ITPR2: variants seen among roughly 807,000 people sequenced by gnomAD.
ITPR2 encodes the protein inositol 1,4,5-trisphosphate-gated calcium channel ITPR2.
A neutral mutation model predicts 317.1 loss-of-function variants in ITPR2; 207 were observed. The observed-to-expected ratio is 0.65, with a 90% CI of 0.58 to 0.73. The LOEUF is 0.73. Among genes scored for constraint, ITPR2 ranks in the 30% least tolerant of loss-of-function variants. The pLI is 0.00. For synonymous variants in ITPR2, 1,156 were observed against 1,149.1 expected (o/e 1.01, Z -0.12); for missense variants, 2,613 against 3,284.0 (o/e 0.80, Z 4.99).
At chr12:26,398,514 CAT>C (rs1210641870) in intron 54 of ITPR2, among the ~76,000 whole-genome samples, 1 of 152,194 alleles carries the variant, frequency 6.6e-6, no homozygotes, top group Non-Finnish European at 1.5e-5. Context: ...GCTGAAAAAT[CAT>C]ATTTGGATTC....
At position 26,722,355 on chromosome 12, in the gene ITPR2, TTTA is replaced by T. The variant is rs765528920; in HGVS notation, c.525+39_525+41del. 3 of 1,522,602 alleles carry T rather than the reference TTTA, an allele frequency of 2.0e-6. No homozygotes were observed. In the South Asian group the frequency reaches 3.8e-5, roughly 19 times the overall value. The allele number at this position is 1,522,602 out of a possible 1,614,324, so 94.3% of individuals were successfully genotyped here. A position where few individuals can be genotyped will look rare whatever the true frequency, so the allele number is the denominator to read the frequency against. On this transcript the variant is annotated intron_variant, in intron 5 of 56. Transcript: ENST00000381340. ...ATCTTACTTATTAGGAATCATTTTCTTTATGAACCCACTATTTCCCTCTTAATT... is the reference window on the plus strand; with the variant it reads ...ATCTTACTTATTAGGAATCATTTTCTTGAACCCACTATTTCCCTCTTAATT...
chr12:26,547,740 G>T (rs1471287099), intron 37 of ITPR2, among the ~76,000 whole-genome samples: 4 of 152,100 alleles, frequency 2.6e-5, no homozygotes, highest in African/African-American at 9.7e-5. Flanking sequence ...ATGAAATCAG[G>T]TTTTTCTTTC....
intron 48 of ITPR2, among the ~76,000 whole-genome samples, chr12:26,433,886 G>T (rs1941283726): frequency 3.3e-5 from 5 of 152,170 alleles, no homozygotes; most frequent in Admixed American, 3.3e-4. Context: ...GAGGTAGATA[G>T]CAGAGCTTCA....
intron 39 of ITPR2, among the ~76,000 whole-genome samples, chr12:26,490,873 A>AT (rs1373820205): frequency 6.6e-6 from 1 of 152,252 alleles, no homozygotes; most frequent in African/African-American, 2.4e-5. Flanking sequence ...TCCACAGGTT[A>AT]TAACAGGGGC....
chr12:26,419,192 G>T lies in ITPR2; in HGVS notation c.6967C>A (p.Leu2323Met). 3 of 1,613,260 alleles carry T rather than the reference G, an allele frequency of 1.9e-6. No individual in the cohort carries two copies. The highest frequency in any genetic ancestry group is 2.5e-6 in the Non-Finnish European group (3 of 1,179,568). ...CCACGATTTCCAACAAAACTCACCAGAAAAACAATTTTATTACAAAGCTAA... is the reference window on the plus strand; with the variant it reads ...CCACGATTTCCAACAAAACTCACCATAAAAACAATTTTATTACAAAGCTAA... ...AANLCNKIVF[L>M]VSFVGNRGTF... is the part of the protein sequence containing the mutation. Residue 2323 changes from leucine (L) to methionine (M), a missense_variant, in exon 50 of 57, where the codon CTG becomes ATG. By Grantham distance (15) the Leu-to-Met change is conservative. Around this residue, in one of 9 missense-constraint regions of ITPR2, gnomAD observed 78 missense variants for 110.3 expected, o/e 0.71. Coordinates refer to ENST00000381340, the MANE Select transcript of ITPR2 (RefSeq NM_002223.4).
At chr12:26,763,919 T>C (rs1949677854) in intron 2 of ITPR2, among the ~76,000 whole-genome samples, 1 of 152,216 alleles carries the variant, frequency 6.6e-6, no homozygotes, top group South Asian at 2.1e-4. Flanking sequence ...AACCTTTCTT[T>C]AGTGAAACGA....
At chr12:26,496,349 T>C (rs1359378021) in intron 37 of ITPR2, among the ~76,000 whole-genome samples, 1 of 152,196 alleles carries the variant, frequency 6.6e-6, no homozygotes, top group Non-Finnish European at 1.5e-5. Context: ...GACATGTAGC[T>C]CTCATTGCTC....
In ITPR2 at chr12:26,400,089, A is replaced by C. The variant is rs987722755; in HGVS notation, c.7530+39T>G. 5 of 1,565,696 alleles carry C rather than the reference A, an allele frequency of 3.2e-6. No homozygotes were observed. The African/African-American group carries it at 6.9e-5, about 21-fold the overall frequency. On this transcript the variant is annotated intron_variant, in intron 53 of 56. Transcript: ENST00000381340. Reference sequence around the variant, plus strand: ...TGCTGTGAAGAAAGGTTTAAAAAAAAGATGTGCTCCTTGAAAAAATACTTT... The same window carrying C: ...TGCTGTGAAGAAAGGTTTAAAAAAACGATGTGCTCCTTGAAAAAATACTTT...
At chr12:26,487,503 T>C (rs1484878330) in intron 39 of ITPR2, among the ~76,000 whole-genome samples, 1 of 152,206 alleles carries the variant, frequency 6.6e-6, no homozygotes, top group East Asian at 1.9e-4. Flanking sequence ...CCTTACTGGT[T>C]ATATATTTTT....
chr12:26,579,073 GA>G (rs1433062786), intron 33 of ITPR2, among the ~76,000 whole-genome samples: 1 of 151,936 alleles, frequency 6.6e-6, no homozygotes, highest in Non-Finnish European at 1.5e-5. Context: ...TTCTTAATCA[GA>G]AAAAAATATG....
At chr12:26,543,019 T>C (rs186620184) in intron 37 of ITPR2, among the ~76,000 whole-genome samples, 347 of 152,326 alleles carry the variant, frequency 2.3e-3, no homozygotes, top group African/African-American at 8.2e-3. Context: ...ACTTTCATGA[T>C]TTATATATGT....
At chr12:26,558,822 G>A (rs1944734860) in intron 35 of ITPR2, among the ~76,000 whole-genome samples, 2 of 152,126 alleles carry the variant, frequency 1.3e-5, no homozygotes, top group Non-Finnish European at 2.9e-5. Context: ...TAACAGCCTA[G>A]TTGACACACT....
intron 4 of ITPR2, 140 bp downstream of exon 4, chr12:26,724,516 A>T: frequency 1.5e-6 from 1 of 659,676 alleles, no homozygotes; most frequent in Non-Finnish European, 2.7e-6. Flanking sequence ...TGAATACATC[A>T]CAATACGTCA....
chr12:26,670,486 G>C (rs1947742005), intron 13 of ITPR2, among the ~76,000 whole-genome samples: 1 of 152,162 alleles, frequency 6.6e-6, no homozygotes, highest in Non-Finnish European at 1.5e-5. Flanking sequence ...TGCAGCTGAG[G>C]GTCCTGTCTG....
chr12:26,595,345 T>G, intron 32 of ITPR2, 120 bp downstream of exon 32: 1 of 933,274 alleles, frequency 1.1e-6, no homozygotes, highest in Non-Finnish European at 1.6e-6. Flanking sequence ...TTCACAACTT[T>G]ATGAATGAAT....
intron 54 of ITPR2, among the ~76,000 whole-genome samples, chr12:26,388,645 T>C (rs538067417): frequency 1.3e-5 from 2 of 152,030 alleles, no homozygotes; most frequent in Non-Finnish European, 2.9e-5. Flanking sequence ...TTTTTTTCTC[T>C]GTAGAGATGG....
At chr12:26,400,039 C>A in intron 53 of ITPR2, 89 bp downstream of exon 53, 7 of 1,375,854 alleles carry the variant, frequency 5.1e-6, no homozygotes, top group Non-Finnish European at 6.8e-6. Context: ...ATATATTTTC[C>A]TGAAAACCAA....
chr12:26,548,593 G>A (rs1457681955), intron 37 of ITPR2, among the ~76,000 whole-genome samples: 2 of 152,182 alleles, frequency 1.3e-5, no homozygotes. Flanking sequence ...TATGTGTTGG[G>A]TGACTGAATG....
intron 37 of ITPR2, among the ~76,000 whole-genome samples, chr12:26,535,958 G>A (rs989599259): frequency 8.5e-5 from 13 of 152,188 alleles, no homozygotes; most frequent in Non-Finnish European, 1.9e-4. Context: ...AACAAAAACT[G>A]TTGCAGCAGA....
Sources: gnomAD v4.1 joint callset for allele counts (sites outside exome capture counted in the v4.1 genomes callset) on GRCh38, gnomAD v4.1.1 for gene constraint, gnomAD v4.1.1 regional missense constraint, MANE v1.5 for transcripts, NCBI Gene and HGNC (gene_info 2026-07-23, HGNC 2026-07-21) for gene names.